Variants in KIF21A observed in about 807,000 individuals in gnomAD.
KIF21A encodes the protein kinesin-like protein KIF21A.
KIF21A carries 114 observed loss-of-function variants against 202.9 expected under a neutral mutation model. That is an observed-to-expected ratio of 0.56 (90% CI 0.48 to 0.66). The LOEUF is 0.66. KIF21A is among the 30% of genes least tolerant of loss of function. The pLI is 0.00. For missense variants in KIF21A, 1,677 were observed against 1,994.9 expected (o/e 0.84, Z 3.04); for synonymous variants, 667 against 670.8 (o/e 0.99, Z 0.09).
chr12:39,353,834 C>T (rs1285059459), intron 10 of KIF21A, among the ~76,000 whole-genome samples: 2 of 152,138 alleles, frequency 1.3e-5, no homozygotes, highest in Non-Finnish European at 2.9e-5. Context: ...GTATGGCCTA[C>T]AGGGAGAACA....
chr12:39,294,813 T>C (rs943204757), intron 37 of KIF21A, among the ~76,000 whole-genome samples: 19 of 152,240 alleles, frequency 1.2e-4, no homozygotes, highest in African/African-American at 3.6e-4. Context: ...CTCTTTTTAT[T>C]GAAGAGCTAA....
chr12:39,295,901 C>T (rs1210202975), intron 37 of KIF21A, among the ~76,000 whole-genome samples: 1 of 151,070 alleles, frequency 6.6e-6, no homozygotes, highest in Non-Finnish European at 1.5e-5. Context: ...GATGGGGTTT[C>T]ACCATGTTGG....
At chr12:39,297,048 C>G (rs183423558) in intron 37 of KIF21A, among the ~76,000 whole-genome samples, 149 of 152,114 alleles carry the variant, frequency 9.8e-4, no homozygotes, top group Middle Eastern at 3.4e-3. Flanking sequence ...TGGTTAGATT[C>G]TAGATATAAT....
At chr12:39,413,995 C>T (rs1010451295) in intron 1 of KIF21A, among the ~76,000 whole-genome samples, 21 of 152,118 alleles carry the variant, frequency 1.4e-4, no homozygotes, top group African/African-American at 4.8e-4. Context: ...CTTGTTGAAG[C>T]TAGTGAAAGT....
intron 1 of KIF21A, among the ~76,000 whole-genome samples, chr12:39,391,221 A>C (rs1230768154): frequency 2.0e-5 from 3 of 152,230 alleles, no homozygotes; most frequent in Non-Finnish European, 2.9e-5. Context: ...AACAAGCTCT[A>C]ATAGCAAGAA....
At chr12:39,311,382 G>A (rs2137378017) in intron 32 of KIF21A, 35 bp downstream of exon 32, 1 of 1,578,934 alleles carries the variant, frequency 6.3e-7, no homozygotes. Flanking sequence ...TAAAAAAAAA[G>A]CTATTAAATA....
At chr12:39,314,139 A>G (rs953622648) in intron 31 of KIF21A, among the ~76,000 whole-genome samples, 1 of 151,790 alleles carries the variant, frequency 6.6e-6, no homozygotes, top group African/African-American at 2.4e-5. Flanking sequence ...GGAGAAAAAA[A>G]CATTTATTTT....
chr12:39,357,908 C>CAAAAAAAAAAAAAAAAAA (rs56035929), intron 8 of KIF21A, among the ~76,000 whole-genome samples: 5 of 36,706 alleles, frequency 1.4e-4, no homozygotes, highest in Admixed American at 4.4e-4. Context: ...GACTCCATCT[C>CAAAAAAAAAAAAAAAAAA]AAAAAAAAAA....
rs79047521 is a variant in KIF21A, at chr12:39,400,156, G to A, written c.45-29895C>T. Among the ~76,000 whole-genome samples, 690 of 152,200 alleles carry A rather than the reference G, an allele frequency of 4.5e-3. 5 individuals are homozygous for A. Among genetic ancestry groups the A allele is most frequent in the African/African-American group, 0.016 (655 of 41,520 alleles). On this transcript the variant is annotated intron_variant, in intron 1 of 37. Coordinates refer to ENST00000361418, the MANE Select transcript of KIF21A (RefSeq NM_001173464.2). Reference sequence around the variant, plus strand: ...CTAAGGCTTTAAAGCTATTTTCCACGGTTTACAATTTTCTTTACTTATGGT... The same window carrying A: ...CTAAGGCTTTAAAGCTATTTTCCACAGTTTACAATTTTCTTTACTTATGGT...
intron 18 of KIF21A, 44 bp downstream of exon 18, chr12:39,333,168 A>T: frequency 1.2e-6 from 2 of 1,606,146 alleles, no homozygotes; most frequent in Non-Finnish European, 1.7e-6. Context: ...CATTTATCTC[A>T]AAGTCAGAAG....
chr12:39,329,115 T>C lies in KIF21A; in HGVS notation c.3340+1127A>G, dbSNP rs553095523. Among the ~76,000 whole-genome samples, 4 of 152,348 alleles carry C rather than the reference T, an allele frequency of 2.6e-5. No individual in the cohort carries two copies. The South Asian group carries it at 8.3e-4, about 32-fold the overall frequency. ...TTTTAAAGCAATGTACCTATAACTT[T>C]CTAGCTTCTGTGGGTTTAAATTTCA... On this transcript the variant is annotated intron_variant, in intron 24 of 37. Coordinates refer to ENST00000361418, the MANE Select transcript of KIF21A (RefSeq NM_001173464.2).
At chr12:39,439,967 A>G (rs1025594873) in intron 1 of KIF21A, among the ~76,000 whole-genome samples, 1 of 130,238 alleles carries the variant, frequency 7.7e-6, no homozygotes, top group Non-Finnish European at 1.5e-5. Context: ...CCACAATTAT[A>G]TTATTCATTA....
At chr12:39,300,319 T>C (rs1055695486) in intron 37 of KIF21A, among the ~76,000 whole-genome samples, 3 of 152,092 alleles carry the variant, frequency 2.0e-5, no homozygotes, top group Non-Finnish European at 2.9e-5. Flanking sequence ...GCGGTGACTT[T>C]TCAGAAAGTA....
At chr12:39,322,636 A>T in intron 27 of KIF21A, 32 bp downstream of exon 27, 1 of 1,543,858 alleles carries the variant, frequency 6.5e-7, no homozygotes, top group East Asian at 2.2e-5. Flanking sequence ...AAGCCAAAAG[A>T]AAAGAAGTTA....
In KIF21A at chr12:39,323,651, A is replaced by C. The variant is rs558425310; in HGVS notation, c.3457-769T>G. ...TATTGCTCAGTTAGTTGTTGATGTC[A>C]CTAAAGTACTAACAGATAATCAAGT... On this transcript the variant is annotated intron_variant, in intron 26 of 37. Transcript: ENST00000361418. Among the ~76,000 whole-genome samples the C allele has an allele frequency of 7.9e-5, 12 of 152,318 alleles. No individual in the cohort carries two copies. The East Asian group carries it at 2.1e-3, about 27-fold the overall frequency.
chr12:39,316,645 C>T (rs1944574723), intron 29 of KIF21A, among the ~76,000 whole-genome samples: 1 of 152,032 alleles, frequency 6.6e-6, no homozygotes, highest in African/African-American at 2.4e-5. Flanking sequence ...GTACAACAGG[C>T]TTGAGGAGAA....
At chr12:39,376,484 T>C (rs1950279212) in intron 1 of KIF21A, among the ~76,000 whole-genome samples, 1 of 152,110 alleles carries the variant, frequency 6.6e-6, no homozygotes, top group Admixed American at 6.6e-5. Context: ...AAAAAGTCTG[T>C]TTAAAGCTGG....
At chr12:39,416,767 A>ATATGTACATATATATGTG (rs1953745345) in intron 1 of KIF21A, among the ~76,000 whole-genome samples, 1 of 136,422 alleles carries the variant, frequency 7.3e-6, no homozygotes, top group African/African-American at 2.9e-5. Context: ...ATATGTGTAT[A>ATATGTACATATATATGTG]TATATATGTA....
chr12:39,305,929 T>C (rs1943429554), intron 34 of KIF21A, among the ~76,000 whole-genome samples: 1 of 152,212 alleles, frequency 6.6e-6, no homozygotes, highest in Admixed American at 6.5e-5. Flanking sequence ...TATATGCACA[T>C]ATATACATAC....
Sources: gnomAD v4.1 joint callset for allele counts (sites outside exome capture counted in the v4.1 genomes callset) on GRCh38, gnomAD v4.1.1 for gene constraint, MANE v1.5 for transcripts, NCBI Gene and HGNC (gene_info 2026-07-23, HGNC 2026-07-21) for gene names.